The following RB1 variants were observed in gnomAD, a reference collection of about 807,000 sequenced individuals.
RB1 encodes retinoblastoma-associated protein.
In RB1, 18 loss-of-function variants were observed where a neutral mutation model predicts 135.4. The ratio of observed to expected loss-of-function variants is 0.13; its 90% confidence interval spans 0.09 to 0.20. The LOEUF is 0.20. RB1 is among the 10% of genes least tolerant of loss of function. RB1 has a pLI of 1.00. For synonymous variants in RB1, 365 were observed against 373.2 expected (o/e 0.98, Z 0.25); for missense variants, 868 against 1,110.0 (o/e 0.78, Z 3.10).
Position 48,317,795 on chromosome 13 carries a change from G to C in RB1, c.264+10389G>C, listed in dbSNP as rs1487970615. ...GCACCTCATGGCCCTTCTGCCGGCT[G>C]TGGGACCCCCCTGGCCCACTGACTC... On this transcript the variant is annotated intron_variant, in intron 2 of 26. Coordinates refer to ENST00000267163, the MANE Select transcript of RB1 (RefSeq NM_000321.3). 1.1e-5 allele frequency: 4 copies of C among 365,712 alleles called. No homozygotes were observed. In the East Asian group the frequency reaches 2.8e-4, roughly 26 times the overall value. 22.7% of individuals were successfully genotyped at this position (365,712 alleles called of 1,614,324 possible).
chr13:48,463,857 GT>G (rs1327610009), intron 21 of RB1, 22 bp downstream of exon 21: 3 of 1,444,010 alleles, frequency 2.1e-6, no homozygotes, highest in Non-Finnish European at 2.9e-6. Context: ...TCCATAGTAA[GT>G]TTTTTTGATA....
intron 4 of RB1, among the ~76,000 whole-genome samples, 153 bp from the exon 5 acceptor site, chr13:48,347,672 G>A (rs1952510263): frequency 6.6e-6 from 1 of 151,584 alleles, no homozygotes; most frequent in Non-Finnish European, 1.5e-5. Flanking sequence ...TCATAAATTG[G>A]GAAAATCTAC....
intron 21 of RB1, 40 bp from the exon 22 acceptor site, chr13:48,464,958 C>CTTTTTTTTA: frequency 1.2e-6 from 1 of 831,616 alleles, no homozygotes; most frequent in East Asian, 5.3e-5. Flanking sequence ...GTAAATTTTA[C>CTTTTTTTTA]TTTTTTTTTT....
chr13:48,441,694 CA>C (rs1949238378), intron 17 of RB1, among the ~76,000 whole-genome samples: 1 of 151,928 alleles, frequency 6.6e-6, no homozygotes, highest in Non-Finnish European at 1.5e-5. Context: ...CAATTTTTAA[CA>C]AAAAAGTTTA....
chr13:48,331,295 GAAAT>G (rs1384605802), intron 2 of RB1, among the ~76,000 whole-genome samples: 1 of 152,168 alleles, frequency 6.6e-6, no homozygotes, highest in East Asian at 1.9e-4. Flanking sequence ...GCAAGAAAAA[GAAAT>G]AAAAGACATT....
intron 7 of RB1, chr13:48,360,818 A>T (rs1228483320): frequency 6.6e-6 from 1 of 152,128 alleles, no homozygotes; most frequent in African/African-American, 2.4e-5. Flanking sequence ...TTATATTATT[A>T]TATACAGAAA....
intron 6 of RB1, among the ~76,000 whole-genome samples, chr13:48,353,830 G>A (rs778702646): frequency 1.8e-4 from 28 of 151,982 alleles, no homozygotes; most frequent in Non-Finnish European, 2.4e-4. Context: ...CAGAATGAAG[G>A]ACAAAAATCA....
intron 17 of RB1, among the ~76,000 whole-genome samples, chr13:48,383,994 A>G (rs1229534880): frequency 1.3e-5 from 2 of 152,140 alleles, no homozygotes; most frequent in Non-Finnish European, 2.9e-5. Context: ...TACAAAAAAG[A>G]TAAAGGCTTG....
At chr13:48,388,952 G>T (rs984285579) in intron 17 of RB1, among the ~76,000 whole-genome samples, 2 of 152,036 alleles carry the variant, frequency 1.3e-5, no homozygotes, top group African/African-American at 4.8e-5. Context: ...TTGAGGCCAG[G>T]AGTTCGAGAC....
chr13:48,383,247 A>G (rs1948550476), intron 17 of RB1, among the ~76,000 whole-genome samples: 1 of 151,990 alleles, frequency 6.6e-6, no homozygotes, highest in Non-Finnish European at 1.5e-5. Flanking sequence ...AATTATAGGT[A>G]TTGGTTCAAT....
At chr13:48,395,384 G>A (rs1355262074) in intron 17 of RB1, among the ~76,000 whole-genome samples, 1 of 151,992 alleles carries the variant, frequency 6.6e-6, no homozygotes, top group South Asian at 2.1e-4. Context: ...GGAGTTTGAC[G>A]AATTGACAGA....
intron 18 of RB1, among the ~76,000 whole-genome samples, chr13:48,455,881 T>A (rs1054497603): frequency 1.1e-4 from 16 of 152,188 alleles, no homozygotes; most frequent in Non-Finnish European, 1.5e-4. Context: ...GTATTTAATA[T>A]CAATAAATTG....
At chr13:48,343,907 ACCTTTTGGTTCC>A (rs1353984328) in intron 3 of RB1, among the ~76,000 whole-genome samples, 4 of 152,000 alleles carry the variant, frequency 2.6e-5, no homozygotes, top group African/African-American at 9.7e-5. Context: ...AACTTTAATA[ACCTTTTGGTTCC>A]CCTGCTGATT....
intron 17 of RB1, among the ~76,000 whole-genome samples, chr13:48,425,742 T>C (rs1320997520): frequency 1.3e-5 from 2 of 152,168 alleles, no homozygotes; most frequent in Non-Finnish European, 2.9e-5. Context: ...TTCTCTATTG[T>C]ATATTTGTAA....
intron 13 of RB1, among the ~76,000 whole-genome samples, chr13:48,378,037 A>G (rs1952845175): frequency 6.6e-6 from 1 of 152,236 alleles, no homozygotes; most frequent in Non-Finnish European, 1.5e-5. Flanking sequence ...CAGGATTGAA[A>G]GTTGCTCTGA....
chr13:48,365,118 T>A, intron 9 of RB1, 147 bp downstream of exon 9: 1 of 997,736 alleles, frequency 1.0e-6, no homozygotes, highest in Non-Finnish European at 1.4e-6. Flanking sequence ...GTGGTGAAAC[T>A]AACTTTTGTA....
At chr13:48,309,926 G>T (rs1952117225) in intron 2 of RB1, among the ~76,000 whole-genome samples, 3 of 152,016 alleles carry the variant, frequency 2.0e-5, no homozygotes, top group African/African-American at 4.8e-5. Context: ...CCTTCCCTGG[G>T]AACTGGCCCA....
intron 6 of RB1, among the ~76,000 whole-genome samples, chr13:48,351,353 T>TC (rs1443520858): frequency 6.6e-6 from 1 of 152,182 alleles, no homozygotes; most frequent in Non-Finnish European, 1.5e-5. Context: ...AGCTTTTTTT[T>TC]CATATGCTTA....
intron 11 of RB1, among the ~76,000 whole-genome samples, chr13:48,371,122 T>C (rs1205174154): frequency 2.0e-5 from 3 of 152,120 alleles, no homozygotes; most frequent in African/African-American, 7.2e-5. Flanking sequence ...GGGTACTAGA[T>C]ATGAAGGGCC....
Sources: allele counts gnomAD v4.1 joint callset (sites outside exome capture counted in the v4.1 genomes callset), GRCh38; gene constraint gnomAD v4.1.1; transcripts MANE v1.5; gene names NCBI Gene and HGNC (gene_info 2026-07-23, HGNC 2026-07-21).